Variants in SLC17A9 observed in about 807,000 individuals in gnomAD.
The protein encoded by SLC17A9 is voltage-gated purine nucleotide uniporter SLC17A9.
A neutral mutation model predicts 55.0 loss-of-function variants in SLC17A9; 49 were observed. That is an observed-to-expected ratio of 0.89 (90% CI 0.71 to 1.13). The LOEUF (loss-of-function observed/expected upper bound fraction) is 1.13. SLC17A9 is among the 50% of genes most tolerant of loss of function. The pLI, the probability that SLC17A9 is intolerant of heterozygous loss-of-function variation, is 0.00. For missense variants in SLC17A9, 526 were observed against 569.3 expected (o/e 0.92, Z 0.77); for synonymous variants, 256 against 247.4 (o/e 1.03, Z -0.32).
At chr20:62,961,889 GCCAAGTCTTGCT>G (rs2065592190) in intron 4 of SLC17A9, among the ~76,000 whole-genome samples, 1 of 152,154 alleles carries the variant, frequency 6.6e-6, no homozygotes, top group South Asian at 2.1e-4. Context: ...GGTGCCCAAG[GCCAAGTCTTGCT>G]ACCCCAGGAG....
In SLC17A9 at chr20:62,956,887, A is replaced by T; in HGVS notation, c.182A>T (p.Glu61Val). Residue 61 changes from glutamate (E) to valine (V), a missense_variant, in exon 2 of 13, where the codon GAG becomes GTG. By Grantham distance (121) the Glu-to-Val change is moderately radical. Coordinates refer to ENST00000370351, the MANE Select transcript of SLC17A9 (RefSeq NM_022082.4). ...MSQDFGWNKK[E>V]AGIVLSSFFW... is the part of the protein sequence containing the mutation. ...CAGGACTTCGGCTGGAACAAGAAGG[A>T]GGCCGGCATCGTGCTCAGCAGCTTC... 1 of 1,613,632 alleles carries T rather than the reference A, an allele frequency of 6.2e-7. No individual in the cohort carries two copies. Among genetic ancestry groups the T allele is most frequent in the East Asian group, 2.2e-5 (1 of 44,886 alleles).
In SLC17A9 at chr20:62,962,574, C is replaced by T. The variant is rs752649589; in HGVS notation, c.498-50C>T. Reference sequence around the variant, plus strand: ...GGGGTTTCTGAGAGGCCCCTCCTCACCCGAGGGGTGCCGCTGAGGGGCCTG... The same window carrying T: ...GGGGTTTCTGAGAGGCCCCTCCTCATCCGAGGGGTGCCGCTGAGGGGCCTG... On this transcript the variant is annotated intron_variant, in intron 4 of 12. Transcript: ENST00000370351. This position sits in a 1 kb window ranked among gnomAD's most constrained non-coding sequence, Gnocchi z 5.5. 12 of 1,603,078 alleles carry T rather than the reference C, an allele frequency of 7.5e-6. No individual in the cohort carries two copies. The highest frequency in any genetic ancestry group is 9.4e-6 in the Non-Finnish European group (11 of 1,174,228).
In SLC17A9 at chr20:62,958,591, C is replaced by A. The variant is rs2065562517; in HGVS notation, c.397+1011C>A. 1.3e-5 allele frequency among the ~76,000 whole-genome samples: 2 copies of A among 152,138 alleles called. No individual in the cohort carries two copies. The highest frequency in any genetic ancestry group is 2.4e-5 in the African/African-American group (1 of 41,498). The stretch of plus-strand genomic sequence containing the variant: ...CTCCTCCCCCAGTGTCCTGGGCCAT[C>A]CAGACCCCCCACTCAGGACTCCCCC... On this transcript the variant is annotated intron_variant, in intron 3 of 12. Coordinates refer to ENST00000370351, the MANE Select transcript of SLC17A9 (RefSeq NM_022082.4). This position sits in a 1 kb window ranked among gnomAD's most constrained non-coding sequence, Gnocchi z 4.1.
chr20:62,957,843 G>A (rs2065553703), intron 3 of SLC17A9, among the ~76,000 whole-genome samples: 1 of 135,154 alleles, frequency 7.4e-6, no homozygotes, highest in Non-Finnish European at 1.6e-5. Context: ...GTGCATGCGT[G>A]CACCTGTGCG....
intron 2 of SLC17A9, 103 bp from the exon 3 acceptor site, chr20:62,957,338 C>T: frequency 4.7e-6 from 7 of 1,500,610 alleles, no homozygotes; most frequent in Admixed American, 2.3e-5. Context: ...GGCAGACAGG[C>T]CAGGCCCAGC....
Position 62,962,545 on chromosome 20 carries a change from G to A in SLC17A9, c.498-79G>A. The A allele has an allele frequency of 1.3e-6, 2 of 1,547,520 alleles. No individual in the cohort carries two copies. Among genetic ancestry groups the A allele is most frequent in the Non-Finnish European group, 1.7e-6 (2 of 1,146,404 alleles). ...TTCTCCAGGGGCTCAGCCTGCACCA[G>A]GGTGGGGTTTCTGAGAGGCCCCTCC... On this transcript the variant is annotated intron_variant, in intron 4 of 12. Coordinates refer to ENST00000370351, the MANE Select transcript of SLC17A9 (RefSeq NM_022082.4). The surrounding 1 kb of genome is among the most constrained non-coding windows in gnomAD (Gnocchi z 5.5).
chr20:62,965,771 C>A (rs766715287), intron 10 of SLC17A9, 46 bp downstream of exon 10: 12 of 1,564,782 alleles, frequency 7.7e-6, no homozygotes, highest in Admixed American at 1.7e-5. Context: ...GCTGCCCGCA[C>A]GGCCGAGGCC....
intron 1 of SLC17A9, among the ~76,000 whole-genome samples, chr20:62,954,518 G>A (rs1189171553): frequency 6.6e-6 from 1 of 152,260 alleles, no homozygotes; most frequent in Non-Finnish European, 1.5e-5. Flanking sequence ...GTGCAGAGTG[G>A]TGGGAGGAAG....
At chr20:62,954,580 G>A (rs976515270) in intron 1 of SLC17A9, among the ~76,000 whole-genome samples, 7 of 151,790 alleles carry the variant, frequency 4.6e-5, no homozygotes. Context: ...CCCGTCCCCC[G>A]CGCCCCCAGC....
At chr20:62,953,231 C>G in intron 1 of SLC17A9, 1 of 1,550,402 alleles carries the variant, frequency 6.4e-7, no homozygotes, top group African/African-American at 1.4e-5. Context: ...CCTGTGTATG[C>G]ATGACCCTGA....
chr20:62,953,587 G>T (rs919316889), intron 1 of SLC17A9, among the ~76,000 whole-genome samples: 1 of 152,252 alleles, frequency 6.6e-6, no homozygotes, highest in African/African-American at 2.4e-5. Flanking sequence ...TGGGTCTTGG[G>T]CTGAGGCCTT....
intron 12 of SLC17A9, 114 bp downstream of exon 12, chr20:62,966,846 A>C: frequency 7.4e-7 from 1 of 1,359,884 alleles, no homozygotes; most frequent in Non-Finnish European, 1.0e-6. Context: ...GTGTCAGAGG[A>C]GGGCACAGAC....
rs73918881 is a variant in SLC17A9 at position 62,953,379 on chromosome 20, G to A, written c.59+490G>A. Reference sequence around the variant, plus strand: ...GAGCTCCCCGCTGGCTTCAGCTCTCGGAGCATTTGGTGGTGGGGAGAAGCA... The same window carrying A: ...GAGCTCCCCGCTGGCTTCAGCTCTCAGAGCATTTGGTGGTGGGGAGAAGCA... On this transcript the variant is annotated intron_variant, in intron 1 of 12. Coordinates refer to ENST00000370351, the MANE Select transcript of SLC17A9 (RefSeq NM_022082.4). 946 of 1,356,174 alleles carry A rather than the reference G, an allele frequency of 7.0e-4. 5 individuals carry two copies. The African/African-American group carries it at 9.9e-3, about 14-fold the overall frequency. 84.0% of individuals were successfully genotyped at this position (1,356,174 alleles called of 1,614,324 possible).
Position 62,968,162 on chromosome 20 carries a change from AC to A in SLC17A9, c.*667del, listed in dbSNP as rs1290057501. On this transcript the variant is annotated 3_prime_UTR_variant, in exon 13 of 13. Transcript: ENST00000370351. Reference sequence around the variant, plus strand: ...TGTGTCTCCTAGAAGCCTGACAGAGACCCCCAGGGCAGTGGGTGGGTGGCGG... The same window carrying A: ...TGTGTCTCCTAGAAGCCTGACAGAGACCCCAGGGCAGTGGGTGGGTGGCGG... The A allele has an allele frequency of 6.6e-6, 1 of 150,946 alleles. No homozygotes were observed. Among genetic ancestry groups the A allele is most frequent in the Middle Eastern group, 3.2e-3 (1 of 314 alleles). 9.4% of individuals were successfully genotyped at this position (150,946 alleles called of 1,614,324 possible).
In SLC17A9 at chr20:62,964,137, G is replaced by C. The variant is rs543152349; in HGVS notation, c.823-91G>C. ...CCGGAGAGCTTTCCTGGGCAGTGGTGGGCACGGGGGCGCTGTCCAGCCTGA... is the reference window on the plus strand; with the variant it reads ...CCGGAGAGCTTTCCTGGGCAGTGGTCGGCACGGGGGCGCTGTCCAGCCTGA... On this transcript the variant is annotated intron_variant, in intron 7 of 12. Coordinates refer to ENST00000370351, the MANE Select transcript of SLC17A9 (RefSeq NM_022082.4). The C allele has an allele frequency of 1.0e-4, 136 of 1,300,396 alleles. No homozygotes were observed. The Middle Eastern group carries it at 1.1e-3, about 11-fold the overall frequency. The allele number at this position is 1,300,396 out of a possible 1,614,324, so 80.6% of individuals were successfully genotyped here.
chr20:62,962,797 C>T lies in SLC17A9; in HGVS notation c.628+43C>T. The T allele has an allele frequency of 6.2e-7, 1 of 1,606,450 alleles. No individual in the cohort carries two copies. Among genetic ancestry groups the T allele is most frequent in the Non-Finnish European group, 8.5e-7 (1 of 1,175,556 alleles). On this transcript the variant is annotated intron_variant, in intron 5 of 12. Coordinates refer to ENST00000370351, the MANE Select transcript of SLC17A9 (RefSeq NM_022082.4). The surrounding 1 kb of genome is among the most constrained non-coding windows in gnomAD (Gnocchi z 5.5). ...GGCTAGTCCCGGGCGCCCACAGCTGCCCAGTGCCTCCTCCCCTGGTGGCAG... is the reference window on the plus strand; with the variant it reads ...GGCTAGTCCCGGGCGCCCACAGCTGTCCAGTGCCTCCTCCCCTGGTGGCAG...
At position 62,968,802 on chromosome 20, in the gene SLC17A9, C is replaced by T. The variant is rs769827151; in HGVS notation, c.*1302C>T. 6.6e-6 allele frequency: 1 copy of T among 152,218 alleles called. No individual in the cohort carries two copies. The highest frequency in any genetic ancestry group is 1.5e-5 in the Non-Finnish European group (1 of 68,062). The allele number at this position is 152,218 out of a possible 1,614,324, so 9.4% of individuals were successfully genotyped here. On this transcript the variant is annotated 3_prime_UTR_variant, in exon 13 of 13. Transcript: ENST00000370351. ...TCGGGGTTCCTTTGCCGCCAGGGGT[C>T]CTGCGTGTCCACAGATGACAGCGAT...
intron 7 of SLC17A9, 42 bp downstream of exon 7, chr20:62,963,722 G>C: frequency 1.3e-6 from 2 of 1,535,070 alleles, no homozygotes; most frequent in Non-Finnish European, 8.8e-7. Flanking sequence ...CGCCCAGAAG[G>C]CACGAGGCTT....
intron 4 of SLC17A9, 67 bp downstream of exon 4, chr20:62,960,670 G>A: frequency 1.4e-6 from 2 of 1,453,106 alleles, no homozygotes; most frequent in East Asian, 2.4e-5. Flanking sequence ...AGTGGCCCCT[G>A]GTCTGCGTGG....
Sources: allele counts gnomAD v4.1 joint callset (sites outside exome capture counted in the v4.1 genomes callset), GRCh38; gene constraint gnomAD v4.1.1; non-coding constraint Gnocchi (gnomAD v3.1); transcripts MANE v1.5; gene names NCBI Gene and HGNC (gene_info 2026-07-23, HGNC 2026-07-21).